The following KIDINS220 variants were observed in gnomAD, a reference collection of about 807,000 sequenced individuals.
KIDINS220 encodes the protein kinase D-interacting substrate of 220 kDa.
In KIDINS220, 63 loss-of-function variants were observed where a neutral mutation model predicts 157.6. The observed-to-expected ratio is 0.40, with a 90% CI of 0.33 to 0.49. The LOEUF (loss-of-function observed/expected upper bound fraction) is 0.49, where lower values mean the gene tolerates loss of function less well. KIDINS220 is among the 20% of genes least tolerant of loss of function. The pLI, the probability that KIDINS220 is intolerant of heterozygous loss-of-function variation, is 0.66. For missense variants in KIDINS220, 1,772 were observed against 2,171.2 expected (o/e 0.82, Z 3.65); for synonymous variants, 732 against 783.6 (o/e 0.93, Z 1.10).
intron 22 of KIDINS220, among the ~76,000 whole-genome samples, chr2:8,767,511 T>C (rs1174885056): frequency 6.6e-6 from 1 of 152,122 alleles, no homozygotes; most frequent in Non-Finnish European, 1.5e-5. Context: ...CTAAACTAAC[T>C]AATGTTAAAT....
At position 8,728,995 on chromosome 2, in the gene KIDINS220, A is replaced by T; in HGVS notation, c.*1725T>A. On this transcript the variant is annotated 3_prime_UTR_variant, in exon 30 of 30. Coordinates refer to ENST00000256707, the MANE Select transcript of KIDINS220 (RefSeq NM_020738.4). ...CTTAATATGCTAGTATTAATTTCACAAACAGTATAAAGAATGTACTCCAAT... is the reference window on the plus strand; with the variant it reads ...CTTAATATGCTAGTATTAATTTCACTAACAGTATAAAGAATGTACTCCAAT... 1 of 980,068 alleles carries T rather than the reference A, an allele frequency of 1.0e-6. No homozygotes were observed. Among genetic ancestry groups the T allele is most frequent in the Middle Eastern group, 5.2e-4 (1 of 1,908 alleles). The allele number at this position is 980,068 out of a possible 1,614,324, so 60.7% of individuals were successfully genotyped here. A position where few individuals can be genotyped will look rare whatever the true frequency, so the allele number is the denominator to read the frequency against.
At position 8,789,884 on chromosome 2, in the gene KIDINS220, G is replaced by C. The variant is rs1185159667; in HGVS notation, c.1617C>G (p.Phe539Leu). 1.9e-6 allele frequency: 3 copies of C among 1,586,940 alleles called. No homozygotes were observed. In the East Asian group the frequency reaches 6.7e-5, roughly 36 times the overall value. ...SLSFLALLYI[F>L]FIVIYFGGRR... is the part of the protein sequence containing the mutation. ...AGATAAAAAGCAAAGACTTACTAAA[G>C]AATATATATAAGAGAGCCAAGAAGC... The change falls in exon 14 of 30, where the codon TTC becomes TTG. Residue 539 changes from phenylalanine to leucine, a missense_variant. Transcript: ENST00000256707.
intron 21 of KIDINS220, 31 bp from the exon 22 acceptor site, chr2:8,770,863 T>A (rs1670116766): frequency 7.1e-7 from 1 of 1,402,512 alleles, no homozygotes; most frequent in Non-Finnish European, 9.8e-7. Flanking sequence ...ATTTAAAAAT[T>A]AATAGATGTG....
At chr2:8,810,076 TGTGCCCAGTTC>T (rs1676071551) in intron 6 of KIDINS220, among the ~76,000 whole-genome samples, 1 of 152,176 alleles carries the variant, frequency 6.6e-6, no homozygotes, top group African/African-American at 2.4e-5. Context: ...TCATTTTCCC[TGTGCCCAGTTC>T]GTCTCTGCTC....
intron 12 of KIDINS220, among the ~76,000 whole-genome samples, chr2:8,792,933 T>C (rs1287849416): frequency 1.3e-5 from 2 of 152,186 alleles, no homozygotes; most frequent in Non-Finnish European, 2.9e-5. Flanking sequence ...GCGAACTCAA[T>C]GTACGAAAAA....
intron 2 of KIDINS220, among the ~76,000 whole-genome samples, chr2:8,823,882 G>A (rs947072535): frequency 4.1e-4 from 62 of 151,862 alleles, no homozygotes; most frequent in African/African-American, 1.4e-3. Flanking sequence ...ATTGAAGGGG[G>A]TAATGATGTT....
intron 17 of KIDINS220, among the ~76,000 whole-genome samples, chr2:8,781,140 AT>A (rs1334633397): frequency 6.5e-4 from 1 of 1,550 alleles, no homozygotes; most frequent in African/African-American, 1.3e-3. Flanking sequence ...TATATTAATT[AT>A]TATATATATA....
rs369204156 is a variant in KIDINS220 at position 8,773,095 on chromosome 2, T to C, written c.2849-2263A>G. ...TAAGTTATTTTTCAACATAGCACTTTTAGGCAATGAAACTAATGGTGTTAG... is the reference window on the plus strand; with the variant it reads ...TAAGTTATTTTTCAACATAGCACTTCTAGGCAATGAAACTAATGGTGTTAG... On this transcript the variant is annotated intron_variant, in intron 21 of 29. Transcript: ENST00000256707. Among the ~76,000 whole-genome samples the C allele has an allele frequency of 2.1e-4, 32 of 152,342 alleles. 1 individual carries two copies. The highest frequency in any genetic ancestry group is 7.7e-4 in the African/African-American group (32 of 41,578).
At chr2:8,779,866 T>C in intron 17 of KIDINS220, 52 bp from the exon 18 acceptor site, 1 of 1,576,780 alleles carries the variant, frequency 6.3e-7, no homozygotes, top group Non-Finnish European at 8.7e-7. Flanking sequence ...CCAAGAAGCT[T>C]AAACATATTT....
chr2:8,775,826 T>A (rs1670890654), intron 21 of KIDINS220, among the ~76,000 whole-genome samples: 1 of 152,136 alleles, frequency 6.6e-6, no homozygotes, highest in South Asian at 2.1e-4. Flanking sequence ...GGGAAGGCCA[T>A]CTCCTGTTTA....
downstream of KIDINS220, among the ~76,000 whole-genome samples, chr2:8,725,989 G>C (rs931123574): frequency 2.0e-5 from 3 of 152,200 alleles, no homozygotes; most frequent in African/African-American, 7.2e-5. Context: ...TGCAGCTGAA[G>C]CTCCGCAGGC....
downstream of KIDINS220, chr2:8,725,543 G>A (rs1221922333): frequency 6.6e-6 from 1 of 152,198 alleles, no homozygotes; most frequent in African/African-American, 2.4e-5. Context: ...GGTAGGCCGA[G>A]TCTTCTTCAC....
At chr2:8,765,023 G>A (rs1476903694) in intron 22 of KIDINS220, among the ~76,000 whole-genome samples, 1 of 152,124 alleles carries the variant, frequency 6.6e-6, no homozygotes, top group Non-Finnish European at 1.5e-5. Context: ...TCGAAGGATG[G>A]GGGGGCTTGG....
In KIDINS220 at chr2:8,730,036, T is replaced by C. The variant is rs1663812882; in HGVS notation, c.*684A>G. 1 of 985,434 alleles carries C rather than the reference T, an allele frequency of 1.0e-6. No individual in the cohort carries two copies. 61.0% of individuals were successfully genotyped at this position (985,434 alleles called of 1,614,324 possible). On this transcript the variant is annotated 3_prime_UTR_variant, in exon 30 of 30. Transcript: ENST00000256707. The stretch of plus-strand genomic sequence containing the variant: ...TTTGGAGAGAAGAGTTTCCGACATA[T>C]AAACCCACGGAGGTCACCAGCCCTC...
intron 2 of KIDINS220, among the ~76,000 whole-genome samples, chr2:8,824,739 A>T (rs923788715): frequency 6.6e-6 from 1 of 152,198 alleles, no homozygotes; most frequent in African/African-American, 2.4e-5. Context: ...TTATAGCAGC[A>T]TTATTCACAA....
Position 8,731,104 on chromosome 2 carries a change from G to T in KIDINS220, c.4932C>A (p.Ser1644=). ...GGCTTTTCTTGTCTTCTGAACAAATGGACATCCGAGCTATAATTGGATCTT... is the reference window on the plus strand; with the variant it reads ...GGCTTTTCTTGTCTTCTGAACAAATTGACATCCGAGCTATAATTGGATCTT... The part of the protein sequence containing the change: ...GLQDPIIARM[S]ICSEDKKSPS... The change falls in exon 30 of 30, where the codon TCC becomes TCA. Residue 1644 remains serine (S), a synonymous_variant. Coordinates refer to ENST00000256707, the MANE Select transcript of KIDINS220 (RefSeq NM_020738.4). This position sits in a 1 kb window ranked among gnomAD's most constrained non-coding sequence, Gnocchi z 5.2. The T allele has an allele frequency of 6.2e-7, 1 of 1,614,180 alleles. No individual in the cohort carries two copies. Among genetic ancestry groups the T allele is most frequent in the South Asian group, 1.1e-5 (1 of 91,082 alleles).
rs1005589660 is a variant in KIDINS220 at position 8,788,951 on chromosome 2, C to G, written c.1622-139G>C. ...CCCATACTATTTCCTAACTACTCCT[C>G]AAAGAATTCCATTAACCTCCCCTAA... On this transcript the variant is annotated intron_variant, in intron 14 of 29. Transcript: ENST00000256707. 7.5e-6 allele frequency: 5 copies of G among 670,916 alleles called. No homozygotes were observed. In the African/African-American group the frequency reaches 9.1e-5, roughly 12 times the overall value. 41.6% of individuals were successfully genotyped at this position (670,916 alleles called of 1,614,324 possible). A position where few individuals can be genotyped will look rare whatever the true frequency, so the allele number is the denominator to read the frequency against.
chr2:8,734,850 T>C, intron 27 of KIDINS220, 97 bp from the exon 28 acceptor site: 1 of 877,194 alleles, frequency 1.1e-6, no homozygotes, highest in South Asian at 1.8e-5. Flanking sequence ...TAGTTTTAAA[T>C]AAGTCTCTAG....
At chr2:8,727,236 T>G (rs1572385418), downstream of KIDINS220, 1 of 1,100,508 alleles carries the variant, frequency 9.1e-7, no homozygotes, top group East Asian at 6.3e-5. Context: ...TCCCCACTGG[T>G]TTCTTCCCTT....
Sources: gnomAD v4.1 joint callset for allele counts (sites outside exome capture counted in the v4.1 genomes callset) on GRCh38, gnomAD v4.1.1 for gene constraint, Gnocchi (gnomAD v3.1) non-coding constraint, MANE v1.5 for transcripts, NCBI Gene and HGNC (gene_info 2026-07-23, HGNC 2026-07-21) for gene names.